AMPH: variants seen among roughly 807,000 people sequenced by gnomAD.
AMPH encodes amphiphysin.
In AMPH, 49 loss-of-function variants were observed where a neutral mutation model predicts 99.1. The ratio of observed to expected loss-of-function variants is 0.49; its 90% CI spans 0.39 to 0.63. AMPH has a LOEUF of 0.63. Ranked by LOEUF, AMPH falls within the 20% of genes least tolerant of loss-of-function variation. The probability of loss-of-function intolerance (pLI) is 0.00; values close to 1 mark genes in which losing one functional copy is unlikely to be tolerated. For missense variants in AMPH, 759 were observed against 863.4 expected, an observed-to-expected ratio of 0.88 and a Z score of 1.52; for synonymous variants, 314 against 317.3, an observed-to-expected ratio of 0.99 and a Z score of 0.11.
intron 2 of AMPH, among the ~76,000 whole-genome samples, chr7:38,516,766 A>G (rs1404249101): frequency 6.6e-6 from 1 of 152,236 alleles, no homozygotes; most frequent in Non-Finnish European, 1.5e-5. Flanking sequence ...CGATGAAAGC[A>G]GTCTCAGGAA....
chr7:38,493,276 A>G (rs988526375), intron 4 of AMPH, among the ~76,000 whole-genome samples: 3 of 152,166 alleles, frequency 2.0e-5, no homozygotes, highest in African/African-American at 7.2e-5. Flanking sequence ...AATGAGCTGC[A>G]ATAACTCACC....
chr7:38,619,207 T>A (rs1317976651), intron 1 of AMPH, among the ~76,000 whole-genome samples: 1 of 151,946 alleles, frequency 6.6e-6, no homozygotes, highest in Non-Finnish European at 1.5e-5. Flanking sequence ...AAAAAAAAGA[T>A]ACATCATGCA....
intron 2 of AMPH, among the ~76,000 whole-genome samples, chr7:38,526,779 ATTT>A: frequency 6.6e-6 from 1 of 152,112 alleles, no homozygotes; most frequent in East Asian, 1.9e-4. Context: ...ATGAGGTCCA[ATTT>A]ATCACATTTT....
At chr7:38,538,443 A>G (rs1168829396) in intron 1 of AMPH, among the ~76,000 whole-genome samples, 3 of 152,132 alleles carry the variant, frequency 2.0e-5, no homozygotes, top group Non-Finnish European at 4.4e-5. Context: ...GTGGAACTGG[A>G]GTGGACAAGG....
At chr7:38,479,713 T>G (rs1475445358) in intron 5 of AMPH, among the ~76,000 whole-genome samples, 1 of 152,016 alleles carries the variant, frequency 6.6e-6, no homozygotes, top group African/African-American at 2.4e-5. Flanking sequence ...ATGTTAAAGA[T>G]GTATATTATA....
rs562206409 is a variant in AMPH at position 38,586,368 on chromosome 7, G to T, written c.69+44915C>A. Among the ~76,000 whole-genome samples the T allele has an allele frequency of 2.6e-5, 4 of 152,276 alleles. No individual in the cohort carries two copies. In the South Asian group the frequency reaches 8.3e-4, roughly 32 times the overall value. On this transcript the variant is annotated intron_variant, in intron 1 of 20. Coordinates refer to ENST00000356264, the MANE Select transcript of AMPH (RefSeq NM_001635.4). ...AGCCTTCTGTCAGAACTACAGTGGT[G>T]TCTCAAATTTTGTATTTTCTATAAT...
chr7:38,384,696 C>T lies in AMPH; in HGVS notation c.*122G>A. 2 of 807,624 alleles carry T rather than the reference C, an allele frequency of 2.5e-6. No homozygotes were observed. Among genetic ancestry groups the T allele is most frequent in the Non-Finnish European group, 4.0e-6 (2 of 499,376 alleles). 50.0% of individuals were successfully genotyped at this position (807,624 alleles called of 1,614,324 possible). On this transcript the variant is annotated 3_prime_UTR_variant, in exon 21 of 21. Coordinates refer to ENST00000356264, the MANE Select transcript of AMPH (RefSeq NM_001635.4). ...CACATGCTCCATTGATACATCTTCCCAAGGTTTGTCTGGCATCAGTCTGTA... is the reference window on the plus strand; with the variant it reads ...CACATGCTCCATTGATACATCTTCCTAAGGTTTGTCTGGCATCAGTCTGTA...
intron 9 of AMPH, chr7:38,464,004 T>TG (rs1453802949): frequency 8.1e-7 from 1 of 1,228,286 alleles, no homozygotes; most frequent in Non-Finnish European, 1.1e-6. Flanking sequence ...GCCACATGAT[T>TG]GGGGTCATAT....
chr7:38,418,289 C>CAG (rs1188590398), intron 16 of AMPH, among the ~76,000 whole-genome samples: 1 of 151,430 alleles, frequency 6.6e-6, no homozygotes, highest in Non-Finnish European at 1.5e-5. Context: ...TGCTATTTTC[C>CAG]AGAGAGAGAG....
intron 7 of AMPH, among the ~76,000 whole-genome samples, chr7:38,470,487 C>T (rs1007332667): frequency 2.6e-5 from 4 of 152,086 alleles, no homozygotes; most frequent in Non-Finnish European, 5.9e-5. Flanking sequence ...TTAAAATTCT[C>T]TCCATTCTTG....
chr7:38,548,981 C>G (rs1346383114), intron 1 of AMPH, among the ~76,000 whole-genome samples: 1 of 152,202 alleles, frequency 6.6e-6, no homozygotes, highest in Admixed American at 6.5e-5. Flanking sequence ...CTCAGGTAGC[C>G]CTTTTCTATT....
intron 1 of AMPH, among the ~76,000 whole-genome samples, chr7:38,628,387 G>A (rs1794332133): frequency 1.3e-5 from 2 of 152,174 alleles, no homozygotes; most frequent in African/African-American, 2.4e-5. Context: ...GATGCAATAA[G>A]TCTTCTTCTA....
At position 38,549,728 on chromosome 7, in the gene AMPH, G is replaced by A. The variant is rs555143408; in HGVS notation, c.70-14717C>T. On this transcript the variant is annotated intron_variant, in intron 1 of 20. Coordinates refer to ENST00000356264, the MANE Select transcript of AMPH (RefSeq NM_001635.4). Reference sequence around the variant, plus strand: ...GGGGCTGTAAGGTATTAGAAAAATCGGTGTAGAAAAAAGCTGGACTGTTTT... The same window carrying A: ...GGGGCTGTAAGGTATTAGAAAAATCAGTGTAGAAAAAAGCTGGACTGTTTT... Among the ~76,000 whole-genome samples, 4 of 152,186 alleles carry A rather than the reference G, an allele frequency of 2.6e-5. No individual in the cohort carries two copies. The East Asian group carries it at 5.8e-4, about 22-fold the overall frequency.
At chr7:38,553,027 G>A (rs1008363023) in intron 1 of AMPH, among the ~76,000 whole-genome samples, 39 of 152,158 alleles carry the variant, frequency 2.6e-4, no homozygotes, top group African/African-American at 8.7e-4. Context: ...AAGCCAGTGG[G>A]AGAGGCACCA....
chr7:38,402,529 T>C (rs569474799), intron 17 of AMPH, among the ~76,000 whole-genome samples: 1 of 152,328 alleles, frequency 6.6e-6, no homozygotes, highest in Non-Finnish European at 1.5e-5. Flanking sequence ...CTCTTAGATA[T>C]CCTTTTCAGA....
chr7:38,626,989 C>T (rs550167557), intron 1 of AMPH, among the ~76,000 whole-genome samples: 27 of 152,164 alleles, frequency 1.8e-4, no homozygotes, highest in African/African-American at 2.6e-4. Flanking sequence ...CTTTCAGGGA[C>T]GCCTCTGTGA....
At chr7:38,415,090 G>A (rs1785331152) in intron 17 of AMPH, among the ~76,000 whole-genome samples, 1 of 152,036 alleles carries the variant, frequency 6.6e-6, no homozygotes, top group South Asian at 2.1e-4. Context: ...ATTTGATGTT[G>A]TTGGGAAAAA....
At chr7:38,602,066 T>C (rs1793264466) in intron 1 of AMPH, among the ~76,000 whole-genome samples, 1 of 152,124 alleles carries the variant, frequency 6.6e-6, no homozygotes, top group South Asian at 2.1e-4. Context: ...CCTGGTCATC[T>C]CACCCTGTCT....
At chr7:38,423,327 C>A (rs985770970) in intron 15 of AMPH, among the ~76,000 whole-genome samples, 1 of 152,176 alleles carries the variant, frequency 6.6e-6, no homozygotes, top group African/African-American at 2.4e-5. Flanking sequence ...TCTCTCATTA[C>A]ATTGGTAGCC....
Sources: gnomAD v4.1 joint callset for allele counts (sites outside exome capture counted in the v4.1 genomes callset) on GRCh38, gnomAD v4.1.1 for gene constraint, MANE v1.5 for transcripts, NCBI Gene and HGNC (gene_info 2026-07-23, HGNC 2026-07-21) for gene names.